The following CUX2 variants were observed in gnomAD, a reference collection of about 807,000 sequenced individuals.
The protein encoded by CUX2 is homeobox protein cut-like 2.
CUX2 carries 40 observed loss-of-function variants against 144.8 expected under a neutral mutation model. The observed-to-expected ratio is 0.28, with a 90% CI of 0.21 to 0.36. The LOEUF is 0.36. Ranked by LOEUF, CUX2 falls within the 10% of genes least tolerant of loss-of-function variation. The probability of loss-of-function intolerance (pLI) is 1.00; values close to 1 mark genes in which losing one functional copy is unlikely to be tolerated. For missense variants in CUX2, 1,615 were observed against 1,994.0 expected (o/e 0.81, Z 3.62); for synonymous variants, 827 against 875.6 (o/e 0.94, Z 0.98).
chr12:111,266,133 G>T (rs766117094), intron 4 of CUX2, among the ~76,000 whole-genome samples: 40 of 152,244 alleles, frequency 2.6e-4, no homozygotes, highest in Middle Eastern at 3.4e-3. Context: ...ATCTCAAGAT[G>T]AGATCATCCT....
intron 1 of CUX2, among the ~76,000 whole-genome samples, chr12:111,182,702 T>C (rs1047619125): frequency 1.3e-5 from 2 of 152,058 alleles, no homozygotes; most frequent in Admixed American, 6.5e-5. Context: ...GACTTTGGGG[T>C]CAGACGAGCG....
intron 3 of CUX2, among the ~76,000 whole-genome samples, chr12:111,244,471 T>C (rs1340536684): frequency 6.6e-6 from 1 of 152,268 alleles, no homozygotes; most frequent in Non-Finnish European, 1.5e-5. Flanking sequence ...ATCCCAGCTC[T>C]GTCCGGAGCT....
At chr12:111,296,359 G>A (rs1197928671) in intron 7 of CUX2, 114 bp from the exon 8 acceptor site, 5 of 820,350 alleles carry the variant, frequency 6.1e-6, no homozygotes, top group South Asian at 3.3e-5. Context: ...CTCACTACCC[G>A]AGCTCTCATT....
intron 1 of CUX2, among the ~76,000 whole-genome samples, chr12:111,083,251 G>A (rs1872006323): frequency 6.6e-6 from 1 of 152,182 alleles, no homozygotes; most frequent in Non-Finnish European, 1.5e-5. Flanking sequence ...GGTGACCATT[G>A]AGGTCACCCA....
chr12:111,094,841 C>G (rs1451667794), intron 1 of CUX2, among the ~76,000 whole-genome samples: 1 of 152,198 alleles, frequency 6.6e-6, no homozygotes, highest in Non-Finnish European at 1.5e-5. Context: ...TGATACTGTT[C>G]AATGCATGTC....
intron 3 of CUX2, among the ~76,000 whole-genome samples, chr12:111,241,992 T>C (rs1233131314): frequency 6.6e-6 from 1 of 152,282 alleles, no homozygotes; most frequent in Non-Finnish European, 1.5e-5. Context: ...ATCCTTGCTT[T>C]CTTTGCTTGA....
chr12:111,262,400 A>G (rs1382548823), intron 3 of CUX2, among the ~76,000 whole-genome samples: 2 of 143,928 alleles, frequency 1.4e-5, no homozygotes, highest in African/African-American at 5.1e-5. Flanking sequence ...TTTTTTTAAG[A>G]TAGGGTCTCA....
chr12:111,144,518 A>G (rs1876537894), intron 1 of CUX2, among the ~76,000 whole-genome samples: 2 of 151,980 alleles, frequency 1.3e-5, no homozygotes, highest in Non-Finnish European at 2.9e-5. Context: ...AGATCCCCAC[A>G]CTGGGTTTGT....
rs949433501 is a variant in CUX2 at position 111,287,340 on chromosome 12, G to A, written c.302-4078G>A. On this transcript the variant is annotated intron_variant, in intron 4 of 21. Coordinates refer to ENST00000261726, the MANE Select transcript of CUX2 (RefSeq NM_015267.4). This position sits in a 1 kb window ranked among gnomAD's most constrained non-coding sequence, Gnocchi z 4.2. The stretch of plus-strand genomic sequence containing the variant: ...ACCGGAGCAAGCCCTCCGTGGCCCT[G>A]CGCAGTCCGCGTGGCACCGCACCGT... Among the ~76,000 whole-genome samples, 6 of 152,176 alleles carry A rather than the reference G, an allele frequency of 3.9e-5. No individual in the cohort carries two copies. The highest frequency in any genetic ancestry group is 7.3e-5 in the Non-Finnish European group (5 of 68,040).
intron 3 of CUX2, among the ~76,000 whole-genome samples, chr12:111,219,696 GAC>G (rs1240821608): frequency 2.6e-5 from 4 of 152,204 alleles, no homozygotes; most frequent in Admixed American, 1.3e-4. Context: ...TGTAATGTCT[GAC>G]ACACGAAGAG....
chr12:111,300,760 G>A (rs189255926), intron 9 of CUX2, among the ~76,000 whole-genome samples: 36 of 152,296 alleles, frequency 2.4e-4, no homozygotes, highest in Admixed American at 2.0e-3. Context: ...AGGCAAGACT[G>A]CACACAATAG....
Position 111,160,822 on chromosome 12 carries a change from G to A in CUX2, c.64-53378G>A, listed in dbSNP as rs929199547. On this transcript the variant is annotated intron_variant, in intron 1 of 21. Transcript: ENST00000261726. The surrounding 1 kb of genome is among the most constrained non-coding windows in gnomAD (Gnocchi z 4.1). The stretch of plus-strand genomic sequence containing the variant: ...CTTGCGGTGATGATGTAATGTGTCG[G>A]GATGGAATGAATGAAGATGACTCCC... Among the ~76,000 whole-genome samples, 1 of 152,138 alleles carries A rather than the reference G, an allele frequency of 6.6e-6. No individual in the cohort carries two copies. Among genetic ancestry groups the A allele is most frequent in the African/African-American group, 2.4e-5 (1 of 41,414 alleles).
chr12:111,281,431 C>T (rs1291926156), intron 4 of CUX2, among the ~76,000 whole-genome samples: 1 of 152,190 alleles, frequency 6.6e-6, no homozygotes, highest in Non-Finnish European at 1.5e-5. Flanking sequence ...GAGTCGAGAT[C>T]CCCCCAGGGT....
intron 1 of CUX2, among the ~76,000 whole-genome samples, chr12:111,050,313 G>A (rs539085892): frequency 6.6e-6 from 1 of 152,184 alleles, no homozygotes; most frequent in South Asian, 2.1e-4. Flanking sequence ...CTCACTCTGT[G>A]CCCTGACCCT....
intron 20 of CUX2, 83 bp from the exon 21 acceptor site, chr12:111,341,697 C>A: frequency 6.9e-7 from 1 of 1,459,804 alleles, no homozygotes; most frequent in Non-Finnish European, 9.2e-7. Flanking sequence ...GACAGATGCA[C>A]TCCCACCATG....
chr12:111,084,674 T>G (rs1329814045), intron 1 of CUX2, among the ~76,000 whole-genome samples: 2 of 152,232 alleles, frequency 1.3e-5, no homozygotes, highest in Non-Finnish European at 2.9e-5. Flanking sequence ...TTTTAAGGAC[T>G]CACAGCGATG....
At chr12:111,172,431 G>T (rs1878601075) in intron 1 of CUX2, among the ~76,000 whole-genome samples, 1 of 152,208 alleles carries the variant, frequency 6.6e-6, no homozygotes, top group Admixed American at 6.5e-5. Flanking sequence ...CCAAGCTGTA[G>T]AAACTCCAGA....
intron 4 of CUX2, among the ~76,000 whole-genome samples, chr12:111,274,678 G>T (rs958404073): frequency 6.6e-6 from 1 of 152,156 alleles, no homozygotes; most frequent in African/African-American, 2.4e-5. Flanking sequence ...TTAGATTAAA[G>T]GATCAAAGTT....
intron 5 of CUX2, among the ~76,000 whole-genome samples, chr12:111,292,147 T>C (rs190355669): frequency 2.0e-4 from 31 of 152,280 alleles, no homozygotes; most frequent in Non-Finnish European, 2.4e-4. Context: ...CAAATGTACA[T>C]GGCAGCGTTA....
Sources: gnomAD v4.1 joint callset for allele counts (sites outside exome capture counted in the v4.1 genomes callset) on GRCh38, gnomAD v4.1.1 for gene constraint, Gnocchi (gnomAD v3.1) non-coding constraint, MANE v1.5 for transcripts, NCBI Gene and HGNC (gene_info 2026-07-23, HGNC 2026-07-21) for gene names.